SESN3: variants seen among roughly 807,000 people sequenced by gnomAD.
SESN3 encodes sestrin 3, also known as sestrin-3.
In SESN3, 21 loss-of-function variants were observed where a neutral mutation model predicts 55.3. The ratio of observed to expected loss-of-function variants is 0.38; its 90% confidence interval spans 0.27 to 0.55. The LOEUF is 0.55. SESN3 is among the 20% of genes least tolerant of loss of function. The pLI is 0.76. For missense variants in SESN3, 408 were observed against 604.3 expected (o/e 0.68, Z 3.41); for synonymous variants, 181 against 203.1 (o/e 0.89, Z 0.93).
chr11:95,195,849 T>C (rs1278750682), intron 1 of SESN3, among the ~76,000 whole-genome samples: 1 of 152,230 alleles, frequency 6.6e-6, no homozygotes, highest in African/African-American at 2.4e-5. Context: ...TTTATTTTCA[T>C]CGGCTGAGAA....
chr11:95,185,165 C>T (rs1013250750), intron 5 of SESN3, 91 bp downstream of exon 5: 8 of 724,224 alleles, frequency 1.1e-5, no homozygotes, highest in African/African-American at 7.2e-5. Flanking sequence ...ATATAATATC[C>T]TATCTAATTG....
intron 8 of SESN3, 100 bp downstream of exon 8, chr11:95,177,619 T>C (rs1029665457): frequency 2.7e-6 from 2 of 735,184 alleles, no homozygotes; most frequent in Admixed American, 3.4e-5. Context: ...CATGTAATAT[T>C]TTCTTCCCAG....
intron 6 of SESN3, among the ~76,000 whole-genome samples, chr11:95,181,257 G>C (rs1000471397): frequency 6.6e-6 from 1 of 151,958 alleles, no homozygotes; most frequent in Non-Finnish European, 1.5e-5. Flanking sequence ...AAAATAAACA[G>C]TAAAAAGTAA....
intron 1 of SESN3, among the ~76,000 whole-genome samples, chr11:95,215,099 G>T (rs1456983823): frequency 6.6e-6 from 1 of 152,098 alleles, no homozygotes; most frequent in East Asian, 1.9e-4. Context: ...TGTTGAAACT[G>T]AAGTGGATGT....
intron 6 of SESN3, chr11:95,184,097 A>C (rs1188327989): frequency 2.7e-6 from 1 of 368,200 alleles, no homozygotes; most frequent in African/African-American, 2.1e-5. Context: ...TATTTCACTT[A>C]TCATTTTTAA....
chr11:95,198,702 AAAGTTAAG>A (rs2134242401), intron 1 of SESN3, among the ~76,000 whole-genome samples: 1 of 152,332 alleles, frequency 6.6e-6, no homozygotes, highest in East Asian at 1.9e-4. Flanking sequence ...AACATTAAAT[AAAGTTAAG>A]AATTTAGAGT....
intron 1 of SESN3, among the ~76,000 whole-genome samples, chr11:95,197,287 A>G (rs967184146): frequency 3.3e-5 from 5 of 152,082 alleles, no homozygotes; most frequent in Admixed American, 6.6e-5. Flanking sequence ...CCCTAGGTCT[A>G]GGAACCACCA....
rs576663475 is a variant in SESN3, at chr11:95,225,271, G to A, written c.78+5512C>T. On this transcript the variant is annotated intron_variant, in intron 1 of 9. Coordinates refer to ENST00000536441, the MANE Select transcript of SESN3 (RefSeq NM_144665.4). ...TTTGACCTCTCAGGCCTTTTGAAAG[G>A]GTTTTGGACCCACAGGGATCCAAGG... 2.6e-5 allele frequency among the ~76,000 whole-genome samples: 4 copies of A among 152,184 alleles called. No individual in the cohort carries two copies. The South Asian group carries it at 8.3e-4, about 32-fold the overall frequency.
intron 9 of SESN3, among the ~76,000 whole-genome samples, chr11:95,175,037 G>A (rs1489883419): frequency 1.3e-5 from 2 of 152,006 alleles, no homozygotes; most frequent in Non-Finnish European, 2.9e-5. Context: ...CATCCATTTC[G>A]AGATTCTTTA....
intron 1 of SESN3, among the ~76,000 whole-genome samples, chr11:95,199,984 T>A (rs893968122): frequency 2.6e-5 from 4 of 152,084 alleles, no homozygotes; most frequent in East Asian, 1.9e-4. Context: ...CATTCTTTTT[T>A]AAATACACTA....
At chr11:95,209,114 A>G (rs1451593710) in intron 1 of SESN3, among the ~76,000 whole-genome samples, 2 of 151,590 alleles carry the variant, frequency 1.3e-5, no homozygotes, top group Non-Finnish European at 2.9e-5. Flanking sequence ...AAAAGAAACT[A>G]TCATCAGAGT....
intron 7 of SESN3, 81 bp from the exon 8 acceptor site, chr11:95,177,990 G>A: frequency 1.0e-6 from 1 of 964,132 alleles, no homozygotes; most frequent in Non-Finnish European, 1.5e-6. Context: ...AACTAATGAA[G>A]CAAGTAAGCG....
At chr11:95,204,391 T>C (rs963509740) in intron 1 of SESN3, among the ~76,000 whole-genome samples, 1 of 152,142 alleles carries the variant, frequency 6.6e-6, no homozygotes, top group African/African-American at 2.4e-5. Flanking sequence ...AAACCTAAGA[T>C]TGAAATTAAA....
intron 9 of SESN3, among the ~76,000 whole-genome samples, chr11:95,174,081 G>A (rs1243248560): frequency 2.0e-5 from 3 of 152,016 alleles, no homozygotes; most frequent in Non-Finnish European, 2.9e-5. Context: ...TATAAATATG[G>A]GATAAAGACC....
intron 5 of SESN3, among the ~76,000 whole-genome samples, 154 bp downstream of exon 5, chr11:95,185,102 C>G (rs1003501476): frequency 7.9e-5 from 12 of 151,862 alleles, no homozygotes; most frequent in Admixed American, 3.9e-4. Flanking sequence ...TAAATCAGAA[C>G]TTCAGGTACC....
At position 95,184,470 on chromosome 11, in the gene SESN3, T is replaced by C; in HGVS notation, c.887A>G (p.Glu296Gly). ...ATCTCCAGAGACCACAAAAAGACTT[T>C]CTTTCTTCTCCTTTTCAAAACGAGT... ...MSTRFEKEKK[E>G]SLFVVSGDTF... Residue 296 changes from glutamate (E) to glycine (G), a missense_variant, in exon 6 of 10, where the codon GAA (glutamate) becomes GGA (glycine). Coordinates refer to ENST00000536441, the MANE Select transcript of SESN3 (RefSeq NM_144665.4). 2 of 1,613,640 alleles carry C rather than the reference T, an allele frequency of 1.2e-6. No homozygotes were observed. The highest frequency in any genetic ancestry group is 1.7e-6 in the Non-Finnish European group (2 of 1,179,804).
At chr11:95,228,053 G>C (rs966005866) in intron 1 of SESN3, among the ~76,000 whole-genome samples, 6 of 152,062 alleles carry the variant, frequency 3.9e-5, no homozygotes, top group Non-Finnish European at 8.8e-5. Context: ...CTGTCCTAAG[G>C]TTACCAAATT....
At chr11:95,177,653 A>G in intron 8 of SESN3, 66 bp downstream of exon 8, 2 of 1,252,222 alleles carry the variant, frequency 1.6e-6, no homozygotes, top group African/African-American at 1.5e-5. Flanking sequence ...CAAACAGGAC[A>G]AAAATAAGAC....
chr11:95,213,454 T>C (rs1044491079), intron 1 of SESN3, among the ~76,000 whole-genome samples: 4 of 152,184 alleles, frequency 2.6e-5, no homozygotes, highest in Non-Finnish European at 5.9e-5. Context: ...TAGCTTCTAA[T>C]ATACAGCACT....
Sources: gnomAD v4.1 joint callset for allele counts (sites outside exome capture counted in the v4.1 genomes callset) on GRCh38, gnomAD v4.1.1 for gene constraint, MANE v1.5 for transcripts, NCBI Gene and HGNC (gene_info 2026-07-23, HGNC 2026-07-21) for gene names.